SPSB2: variants seen among roughly 807,000 people sequenced by gnomAD.
SPSB2 encodes splA/ryanodine receptor domain and SOCS box containing 2.
Under a neutral mutation model 19.2 loss-of-function variants are expected in SPSB2, and 25 were observed. That is an observed-to-expected ratio of 1.30 (90% CI 0.95 to 1.82). The LOEUF is 1.82. Among genes scored for constraint, SPSB2 ranks in the 40% most tolerant of loss-of-function variants. SPSB2 has a pLI of 0.00. For missense variants in SPSB2, 413 were observed against 344.9 expected, an observed-to-expected ratio of 1.20 and a Z score of -1.56; for synonymous variants, 153 against 154.9, an observed-to-expected ratio of 0.99 and a Z score of 0.09.
Position 6,873,226 on chromosome 12 carries a change from C to T in SPSB2, c.-97+20G>A. 2 of 254,758 alleles carry T rather than the reference C, an allele frequency of 7.9e-6. No homozygotes were observed. Among genetic ancestry groups the T allele is most frequent in the Non-Finnish European group, 1.5e-5 (2 of 133,538 alleles). 15.8% of individuals were successfully genotyped at this position (254,758 alleles called of 1,614,324 possible). ...ACCATCCCCCTTACTCGCCCGGAGCCCTCGCCGCTGCCCCCGAACCTCGGT... is the reference window on the plus strand; with the variant it reads ...ACCATCCCCCTTACTCGCCCGGAGCTCTCGCCGCTGCCCCCGAACCTCGGT... On this transcript the variant is annotated intron_variant, in intron 1 of 2. Transcript: ENST00000524270.
In SPSB2 at chr12:6,871,010, C is replaced by T. The variant is rs782003045; in HGVS notation, c.*182G>A. The T allele has an allele frequency of 1.8e-5, 13 of 724,314 alleles. No individual in the cohort carries two copies. Among genetic ancestry groups the T allele is most frequent in the South Asian group, 6.5e-5 (4 of 61,312 alleles). The allele number at this position is 724,314 out of a possible 1,614,324, so 44.9% of individuals were successfully genotyped here. A position where few individuals can be genotyped will look rare whatever the true frequency, so the allele number is the denominator to read the frequency against. Reference sequence around the variant, plus strand: ...AGCAGACTGTCATAGCCTTGAACGCCGGCTCCCTTTCTTCCTCCCTCCAAG... The same window carrying T: ...AGCAGACTGTCATAGCCTTGAACGCTGGCTCCCTTTCTTCCTCCCTCCAAG... On this transcript the variant is annotated 3_prime_UTR_variant, in exon 3 of 3. Coordinates refer to ENST00000524270, the MANE Select transcript of SPSB2 (RefSeq NM_032641.4).
At chr12:6,872,191 T>C in intron 2 of SPSB2, 47 bp downstream of exon 2, 1 of 1,613,762 alleles carries the variant, frequency 6.2e-7, no homozygotes. Flanking sequence ...CCCAAACCAC[T>C]GCCACCAGGG....
intron 2 of SPSB2, chr12:6,871,563 C>G: frequency 1.8e-6 from 1 of 560,618 alleles, no homozygotes; most frequent in Non-Finnish European, 3.1e-6. Flanking sequence ...GTGGCTCTGA[C>G]AGTGGTGGAG....
In SPSB2 at chr12:6,871,446, G is replaced by T. The variant is rs1211805937; in HGVS notation, c.665-127C>A. 1.3e-5 allele frequency: 14 copies of T among 1,045,342 alleles called. No homozygotes were observed. In the African/African-American group the frequency reaches 2.3e-4, roughly 17 times the overall value. The allele number at this position is 1,045,342 out of a possible 1,614,324, so 64.8% of individuals were successfully genotyped here. On this transcript the variant is annotated intron_variant, in intron 2 of 2. Transcript: ENST00000524270. ...CGAGTGTGCCCACCTGGCTGAAAGG[G>T]GAATTTGAGATACCCGGAAGTTCTG...
In SPSB2 at chr12:6,871,246, C is replaced by G; in HGVS notation, c.738G>C (p.Gln246His). 8.1e-6 allele frequency: 13 copies of G among 1,613,260 alleles called. No individual in the cohort carries two copies. Among genetic ancestry groups the G allele is most frequent in the Non-Finnish European group, 1.1e-5 (13 of 1,179,676 alleles). Residue 246 changes from glutamine to histidine, a missense_variant, in exon 3 of 3, where the codon CAG becomes CAC. Physicochemically the swap from Gln to His is conservative, Grantham distance 24. Transcript: ENST00000524270. ...CAGGGGGCAAGGGCAGGGCAGACAC[C>G]TGGCCGAGCCGGGTATCCCCCAGGT... is the stretch of plus-strand genomic sequence containing the variant. ...RHNLGDTRLGQVSALPLPPAM... is the reference protein window; with the variant it reads ...RHNLGDTRLGHVSALPLPPAM...
chr12:6,872,432 T>G lies in SPSB2; in HGVS notation c.470A>C (p.Gln157Pro). ...CTCTGGCACCTCCAGCTGCTCACCC[T>G]GAGTTCCCGCTGGATACTGGGGGGC... is the stretch of plus-strand genomic sequence containing the variant. ...PGAPQYPAGT[Q>P]GEQLEVPERL... The change falls in exon 2 of 3, where the codon CAG (glutamine) becomes CCG (proline). Residue 157 changes from glutamine to proline, a missense_variant. Physicochemically the swap from Gln to Pro is moderately conservative, Grantham distance 76. Coordinates refer to ENST00000524270, the MANE Select transcript of SPSB2 (RefSeq NM_032641.4). 1.2e-6 allele frequency: 2 copies of G among 1,614,210 alleles called. No individual in the cohort carries two copies. The highest frequency in any genetic ancestry group is 1.7e-6 in the Non-Finnish European group (2 of 1,180,024).
In SPSB2 at chr12:6,871,164, C is replaced by T; in HGVS notation, c.*28G>A. On this transcript the variant is annotated 3_prime_UTR_variant, in exon 3 of 3. Coordinates refer to ENST00000524270, the MANE Select transcript of SPSB2 (RefSeq NM_032641.4). ...CCAAGGGGAGGGGTGGTGGCAAGAC[C>T]TCAGCACAGTCTGTGGTATCACAGG... 1 of 1,573,030 alleles carries T rather than the reference C, an allele frequency of 6.4e-7. No individual in the cohort carries two copies. Among genetic ancestry groups the T allele is most frequent in the Non-Finnish European group, 8.6e-7 (1 of 1,159,496 alleles).
rs1555134220 is a variant in SPSB2, at chr12:6,872,951, TTCTC to T, written c.-54_-51del. 1 of 1,338,734 alleles carries T rather than the reference TTCTC, an allele frequency of 7.5e-7. No homozygotes were observed. The highest frequency in any genetic ancestry group is 1.4e-5 in the South Asian group (1 of 69,568). The allele number at this position is 1,338,734 out of a possible 1,614,324, so 82.9% of individuals were successfully genotyped here. On this transcript the variant is annotated 5_prime_UTR_variant, in exon 2 of 3. Transcript: ENST00000524270. ...CCGAAAGAGGCTTGCTGGGGCGTCT[TTCTC>T]TTCTGAAAGTTGAGCTCCAGTTTGG...
At chr12:6,873,080 A>G (rs1944633244) in intron 1 of SPSB2, 83 bp from the exon 2 acceptor site, 1 of 563,234 alleles carries the variant, frequency 1.8e-6, no homozygotes, top group Non-Finnish European at 3.2e-6. Context: ...AAGTTTGCCA[A>G]CGGGCCCGCT....
chr12:6,872,548 G>C lies in SPSB2; in HGVS notation c.354C>G (p.Asp118Glu). Residue 118 changes from aspartate to glutamate, a missense_variant, in exon 2 of 3, where the codon GAC becomes GAG. Coordinates refer to ENST00000524270, the MANE Select transcript of SPSB2 (RefSeq NM_032641.4). ...VATALAPLQT[D>E]HYAALLGSNS... is the part of the protein sequence containing the mutation. ...TGCTGCCCAGCAGCGCCGCGTAGTG[G>C]TCAGTCTGCAGCGGGGCGAGGGCCG... is the stretch of plus-strand genomic sequence containing the variant. 1 of 1,610,780 alleles carries C rather than the reference G, an allele frequency of 6.2e-7. No individual in the cohort carries two copies. The highest frequency in any genetic ancestry group is 2.2e-5 in the East Asian group (1 of 44,880).
intron 2 of SPSB2, chr12:6,871,748 C>T (rs2138100248): frequency 2.8e-6 from 1 of 359,224 alleles, no homozygotes; most frequent in South Asian, 3.9e-5. Flanking sequence ...TCCTCCACTG[C>T]TCTCCTCCCT....
At chr12:6,871,749 TCTC>T (rs1944598770) in intron 2 of SPSB2, 1 of 357,140 alleles carries the variant, frequency 2.8e-6, no homozygotes, top group South Asian at 3.9e-5. Context: ...CCTCCACTGC[TCTC>T]CTCCCTGGTG....
rs1360826486 is a variant in SPSB2 at position 6,871,196 on chromosome 12, T to G, written c.788A>C (p.Gln263Pro). 1 of 1,599,230 alleles carries G rather than the reference T, an allele frequency of 6.3e-7. No homozygotes were observed. Among genetic ancestry groups the G allele is most frequent in the East Asian group, 2.3e-5 (1 of 44,220 alleles). The change falls in exon 3 of 3, where the codon CAG becomes CCG. Residue 263 changes from glutamine to proline, a missense_variant. Gln to Pro is a moderately conservative substitution (Grantham distance 76, BLOSUM62 -1). Transcript: ENST00000524270. ...CAGTCTGTGGTATCACAGGGCTCAC[T>G]GGTAGAGCAGGTAGCGCTTCATGGC... is the stretch of plus-strand genomic sequence containing the variant. ...PPAMKRYLLY[Q>P]
Position 6,872,878 on chromosome 12 carries a change from C to T in SPSB2, c.24G>A (p.Gly8=). 1.3e-6 allele frequency: 2 copies of T among 1,588,264 alleles called. No homozygotes were observed. Among genetic ancestry groups the T allele is most frequent in the Non-Finnish European group, 1.7e-6 (2 of 1,163,458 alleles). Residue 8 remains glycine, a synonymous_variant, in exon 2 of 3, where the codon GGG becomes GGA. Coordinates refer to ENST00000524270, the MANE Select transcript of SPSB2 (RefSeq NM_032641.4). MGQTALA[G]GSSSTPTPQA... is the part of the protein sequence containing the mutation. ...GTGGCGTGGGGGTGCTGCTGCTGCC[C>T]CCTGCCAGAGCTGTCTGGCCCATGG...
Position 6,871,228 on chromosome 12 carries a change from C to CT in SPSB2, c.755_756insA (p.Pro253AlafsTer39), listed in dbSNP as rs782441643. The CT allele has an allele frequency of 1.9e-6, 3 of 1,611,636 alleles. No individual in the cohort carries two copies. The highest frequency in any genetic ancestry group is 1.7e-6 in the Non-Finnish European group (2 of 1,178,956). On this transcript the variant is annotated frameshift_variant, in exon 3 of 3. Coordinates refer to ENST00000524270, the MANE Select transcript of SPSB2 (RefSeq NM_032641.4). LOFTEE classifies it high-confidence loss of function. Reference sequence around the variant, plus strand: ...GCAGGTAGCGCTTCATGGCAGGGGGCAAGGGCAGGGCAGACACCTGGCCGA... The same window carrying CT: ...GCAGGTAGCGCTTCATGGCAGGGGGCTAAGGGCAGGGCAGACACCTGGCCGA...
Position 6,872,467 on chromosome 12 carries a change from C to A in SPSB2, c.435G>T (p.Lys145Asn), listed in dbSNP as rs782364096. The A allele has an allele frequency of 6.2e-7, 1 of 1,614,060 alleles. No homozygotes were observed. The highest frequency in any genetic ancestry group is 8.5e-7 in the Non-Finnish European group (1 of 1,180,028). The change falls in exon 2 of 3, where the codon AAG becomes AAT. Residue 145 changes from lysine (K) to asparagine (N), a missense_variant. Transcript: ENST00000524270. ...IGRGKLYHQS[K>N]GPGAPQYPAG... ...CTGGATACTGGGGGGCTCCGGGCCC[C>A]TTGCTCTGATGGTACAGCTTCCCCC... is the stretch of plus-strand genomic sequence containing the variant.
In SPSB2 at chr12:6,872,754, G is replaced by T. The variant is rs1944624718; in HGVS notation, c.148C>A (p.Pro50Thr). Residue 50 changes from proline to threonine, a missense_variant, in exon 2 of 3, where the codon CCC (proline) becomes ACC (threonine). Coordinates refer to ENST00000524270, the MANE Select transcript of SPSB2 (RefSeq NM_032641.4). ...TCGATGTTCTCTGAACAGTCTTTGGGGTTCCAACCGTGGCGCCGCTGGGCC... is the reference window on the plus strand; with the variant it reads ...TCGATGTTCTCTGAACAGTCTTTGGTGTTCCAACCGTGGCGCCGCTGGGCC... Reference protein sequence around the residue: ...LGAQRRHGWNPKDCSENIEVK... With the variant: ...LGAQRRHGWNTKDCSENIEVK... 7 of 1,612,524 alleles carry T rather than the reference G, an allele frequency of 4.3e-6. No individual in the cohort carries two copies. The East Asian group carries it at 1.6e-4, about 36-fold the overall frequency.
In SPSB2 at chr12:6,872,934, G is replaced by T; in HGVS notation, c.-33C>A. On this transcript the variant is annotated 5_prime_UTR_variant, in exon 2 of 3. Coordinates refer to ENST00000524270, the MANE Select transcript of SPSB2 (RefSeq NM_032641.4). ...AGGAGCTAGAGGACTCCCCGAAAGA[G>T]GCTTGCTGGGGCGTCTTTCTCTTCT... The T allele has an allele frequency of 7.1e-7, 1 of 1,413,402 alleles. No homozygotes were observed. The highest frequency in any genetic ancestry group is 1.4e-5 in the South Asian group (1 of 73,120). 87.6% of individuals were successfully genotyped at this position (1,413,402 alleles called of 1,614,324 possible). A position where few individuals can be genotyped will look rare whatever the true frequency, so the allele number is the denominator to read the frequency against.
chr12:6,872,178 C>T, intron 2 of SPSB2, 60 bp downstream of exon 2: 1 of 1,613,474 alleles, frequency 6.2e-7, no homozygotes, highest in Non-Finnish European at 8.5e-7. Context: ...GAAGAGTTTC[C>T]ATCCCAAACC....
Sources: gnomAD v4.1 joint callset for allele counts on GRCh38, gnomAD v4.1.1 for gene constraint, MANE v1.5 for transcripts, NCBI Gene and HGNC (gene_info 2026-07-23, HGNC 2026-07-21) for gene names.